Variants in TMTC2 observed in about 807,000 individuals in gnomAD.
TMTC2 encodes the protein protein O-mannosyl-transferase TMTC2.
Under a neutral mutation model 82.4 loss-of-function variants are expected in TMTC2, and 43 were observed. The ratio of observed to expected loss-of-function variants is 0.52; its 90% CI spans 0.41 to 0.67. The LOEUF (loss-of-function observed/expected upper bound fraction) is 0.67, where lower values mean the gene tolerates loss of function less well. Among genes scored for constraint, TMTC2 ranks in the 30% least tolerant of loss-of-function variants. The pLI, the probability that TMTC2 is intolerant of heterozygous loss-of-function variation, is 0.00. For synonymous variants in TMTC2, 408 were observed against 381.9 expected (o/e 1.07, Z -0.80); for missense variants, 919 against 1,012.4 (o/e 0.91, Z 1.25).
At chr12:83,045,786 G>A (rs1002590717) in intron 9 of TMTC2, among the ~76,000 whole-genome samples, 7 of 137,500 alleles carry the variant, frequency 5.1e-5, no homozygotes, top group Admixed American at 2.2e-4. Context: ...GAGATGATCA[G>A]GCAGTTTTTA....
intron 11 of TMTC2, among the ~76,000 whole-genome samples, chr12:83,067,451 G>A (rs562317295): frequency 2.0e-5 from 3 of 152,100 alleles, no homozygotes; most frequent in East Asian, 1.9e-4. Context: ...TGAGTGGGGG[G>A]TGCAAAGGAA....
rs1286084276 is a variant in TMTC2, at chr12:83,132,415, T to A, written c.*26T>A. ...CACAGGAGGCAGAAGCCCATCCTCC[T>A]CCATTTTTAAAAGCTGGCTTCCTTA... is the stretch of plus-strand genomic sequence containing the variant. On this transcript the variant is annotated 3_prime_UTR_variant, in exon 12 of 12. Transcript: ENST00000321196. 5 of 1,609,088 alleles carry A rather than the reference T, an allele frequency of 3.1e-6. No individual in the cohort carries two copies. The African/African-American group carries it at 6.7e-5, about 22-fold the overall frequency.
At chr12:82,904,485 T>C (rs1874185479) in intron 3 of TMTC2, among the ~76,000 whole-genome samples, 1 of 152,172 alleles carries the variant, frequency 6.6e-6, no homozygotes, top group South Asian at 2.1e-4. Context: ...AGTGGAGAAA[T>C]GATAGCTGAT....
At chr12:82,710,908 C>T (rs563778731) in intron 1 of TMTC2, among the ~76,000 whole-genome samples, 2 of 152,284 alleles carry the variant, frequency 1.3e-5, no homozygotes, top group African/African-American at 2.4e-5. Flanking sequence ...ATCTGTCAGG[C>T]ACCATGTTAG....
At chr12:82,900,519 G>A (rs1409766579) in intron 3 of TMTC2, among the ~76,000 whole-genome samples, 35 of 96,422 alleles carry the variant, frequency 3.6e-4, no homozygotes, top group Non-Finnish European at 6.0e-4. Flanking sequence ...CCGGAATATA[G>A]ATATGTAGGA....
chr12:82,886,134 G>T (rs75858404), intron 2 of TMTC2, among the ~76,000 whole-genome samples: 1 of 152,208 alleles, frequency 6.6e-6, no homozygotes, highest in East Asian at 1.9e-4. Flanking sequence ...AGCTCTTTAA[G>T]TGGGTTCCTG....
chr12:83,028,498 TA>T, intron 8 of TMTC2, among the ~76,000 whole-genome samples: 1 of 152,322 alleles, frequency 6.6e-6, no homozygotes, highest in Admixed American at 6.5e-5. Flanking sequence ...CTATAGTTTA[TA>T]TTGCAGTTCG....
At chr12:82,872,929 T>A (rs1438495939) in intron 2 of TMTC2, among the ~76,000 whole-genome samples, 1 of 152,134 alleles carries the variant, frequency 6.6e-6, no homozygotes, top group Non-Finnish European at 1.5e-5. Flanking sequence ...TGGCAACACT[T>A]CACAATAAGA....
At chr12:83,095,218 GT>G (rs577622810) in intron 11 of TMTC2, among the ~76,000 whole-genome samples, 11,691 of 139,238 alleles carry the variant, frequency 0.084, 567 homozygotes, top group East Asian at 0.22. Flanking sequence ...AAATTTCATG[GT>G]TTTTTTTTTT....
intron 8 of TMTC2, among the ~76,000 whole-genome samples, chr12:82,996,790 A>G (rs961463568): frequency 6.6e-6 from 1 of 152,222 alleles, no homozygotes; most frequent in African/African-American, 2.4e-5. Context: ...ACCTGAAGAT[A>G]TCATCTATTT....
At chr12:82,701,456 T>C (rs893338226) in intron 1 of TMTC2, among the ~76,000 whole-genome samples, 2 of 152,116 alleles carry the variant, frequency 1.3e-5, no homozygotes, top group East Asian at 3.9e-4. Context: ...TGTGCACTTA[T>C]GAATATTAAT....
intron 4 of TMTC2, among the ~76,000 whole-genome samples, chr12:82,945,096 T>C (rs1407606681): frequency 6.6e-6 from 1 of 152,192 alleles, no homozygotes; most frequent in East Asian, 1.9e-4. Flanking sequence ...GAAATTGGTG[T>C]CTAGAATTGC....
At chr12:82,917,688 G>A (rs888210031) in intron 3 of TMTC2, among the ~76,000 whole-genome samples, 2 of 147,596 alleles carry the variant, frequency 1.4e-5, no homozygotes, top group Admixed American at 6.8e-5. Context: ...TGCAAGCTCC[G>A]CCTCCAGGGT....
At chr12:83,063,856 AGC>A (rs1039644900) in intron 11 of TMTC2, among the ~76,000 whole-genome samples, 1 of 151,866 alleles carries the variant, frequency 6.6e-6, no homozygotes, top group African/African-American at 2.4e-5. Flanking sequence ...CTTTGGAGAA[AGC>A]TGGAGCAGCA....
intron 4 of TMTC2, among the ~76,000 whole-genome samples, chr12:82,946,902 G>A (rs950123315): frequency 2.0e-5 from 3 of 151,676 alleles, no homozygotes; most frequent in African/African-American, 4.8e-5. Flanking sequence ...CCACCACCCC[G>A]GGCTAATTTT....
chr12:83,122,028 T>G (rs558640235), intron 11 of TMTC2, among the ~76,000 whole-genome samples: 6 of 152,180 alleles, frequency 3.9e-5, no homozygotes, highest in African/African-American at 1.2e-4. Flanking sequence ...CCGAGTCTGT[T>G]TCCAGGCAGT....
At chr12:83,040,885 C>T (rs568869198) in intron 9 of TMTC2, among the ~76,000 whole-genome samples, 11 of 152,048 alleles carry the variant, frequency 7.2e-5, no homozygotes, top group African/African-American at 9.6e-5. Flanking sequence ...AGGGGATCAC[C>T]GTGTTAGCCA....
chr12:82,910,316 C>T (rs564256269), intron 3 of TMTC2, among the ~76,000 whole-genome samples: 7 of 152,282 alleles, frequency 4.6e-5, no homozygotes, highest in South Asian at 2.1e-4. Context: ...CCTCACAGCG[C>T]GTGTGAAGAG....
chr12:83,092,719 C>A (rs1420187260), intron 11 of TMTC2, among the ~76,000 whole-genome samples: 1 of 152,154 alleles, frequency 6.6e-6, no homozygotes, highest in Non-Finnish European at 1.5e-5. Flanking sequence ...GTTTCCATGA[C>A]TAAAAGGGAA....
Sources: allele counts gnomAD v4.1 joint callset (sites outside exome capture counted in the v4.1 genomes callset), GRCh38; gene constraint gnomAD v4.1.1; transcripts MANE v1.5; gene names NCBI Gene and HGNC (gene_info 2026-07-23, HGNC 2026-07-21).